The following SLC39A9 variants were observed in gnomAD, a reference collection of about 807,000 sequenced individuals.
SLC39A9 encodes zinc transporter ZIP9.
In SLC39A9, 14 loss-of-function variants were observed where a neutral mutation model predicts 28.4. That is an observed-to-expected ratio of 0.49 (90% CI 0.33 to 0.77). The LOEUF is 0.77. Among genes scored for constraint, SLC39A9 ranks in the 30% least tolerant of loss-of-function variants. The pLI, the probability that SLC39A9 is intolerant of heterozygous loss-of-function variation, is 0.02. For synonymous variants in SLC39A9, 119 were observed against 149.6 expected, an observed-to-expected ratio of 0.80 and a Z score of 1.49; for missense variants, 283 against 381.1, an observed-to-expected ratio of 0.74 and a Z score of 2.14.
At chr14:69,443,390 A>T (rs2139429535) in intron 3 of SLC39A9, among the ~76,000 whole-genome samples, 1 of 152,370 alleles carries the variant, frequency 6.6e-6, no homozygotes, top group East Asian at 1.9e-4. Flanking sequence ...GAGCATCTGC[A>T]GACAGGAAAG....
In SLC39A9 at chr14:69,437,322, C is replaced by T. The variant is rs1001304112; in HGVS notation, c.206-4747C>T. Among the ~76,000 whole-genome samples the T allele has an allele frequency of 3.3e-5, 5 of 152,174 alleles. No individual in the cohort carries two copies. The East Asian group carries it at 9.6e-4, about 29-fold the overall frequency. On this transcript the variant is annotated intron_variant, in intron 2 of 6. Coordinates refer to ENST00000336643, the MANE Select transcript of SLC39A9 (RefSeq NM_018375.5). ...AAAAAGGGGAGACTTTCCTGTACTT[C>T]ACTACCTCTTAGCAACCTCTTTTCC...
intron 1 of SLC39A9, among the ~76,000 whole-genome samples, chr14:69,401,329 C>G (rs1383369859): frequency 1.3e-5 from 2 of 152,192 alleles, no homozygotes; most frequent in African/African-American, 4.8e-5. Flanking sequence ...GGTTACCTGC[C>G]TGCCCAGTAC....
chr14:69,437,371 G>T (rs971219319), intron 2 of SLC39A9, among the ~76,000 whole-genome samples: 1 of 152,024 alleles, frequency 6.6e-6, no homozygotes, highest in Admixed American at 6.6e-5. Context: ...GGAAAGACAG[G>T]GTTTTTCTAG....
chr14:69,422,369 G>A (rs773241099), intron 1 of SLC39A9, among the ~76,000 whole-genome samples: 2 of 152,234 alleles, frequency 1.3e-5, no homozygotes, highest in Admixed American at 6.5e-5. Flanking sequence ...CAACAGGTAC[G>A]TACTACCATG....
intron 1 of SLC39A9, among the ~76,000 whole-genome samples, chr14:69,419,306 C>T (rs985508499): frequency 2.9e-4 from 44 of 152,232 alleles, no homozygotes; most frequent in African/African-American, 8.7e-4. Flanking sequence ...TGTAGTTGTG[C>T]GGTTTTGAGT....
In SLC39A9 at chr14:69,458,693, C is replaced by G. The variant is rs985688162; in HGVS notation, c.*100C>G. The stretch of plus-strand genomic sequence containing the variant: ...TTCCTCAGTCTCTTGTCTCACCTTG[C>G]GCATCTCTACATGTATTCCTAGAGT... On this transcript the variant is annotated 3_prime_UTR_variant, in exon 7 of 7. Transcript: ENST00000336643. The G allele has an allele frequency of 9.7e-6, 14 of 1,450,272 alleles. No homozygotes were observed. The highest frequency in any genetic ancestry group is 1.4e-5 in the African/African-American group (1 of 70,412). The allele number at this position is 1,450,272 out of a possible 1,614,324, so 89.8% of individuals were successfully genotyped here. A position where few individuals can be genotyped will look rare whatever the true frequency, so the allele number is the denominator to read the frequency against.
intron 1 of SLC39A9, among the ~76,000 whole-genome samples, chr14:69,409,758 T>C (rs1308548344): frequency 3.3e-5 from 5 of 152,258 alleles, no homozygotes; most frequent in Non-Finnish European, 5.9e-5. Flanking sequence ...TATTTTCTTG[T>C]CTCAAGCATT....
At chr14:69,403,040 C>G (rs1185594126) in intron 1 of SLC39A9, among the ~76,000 whole-genome samples, 1 of 152,030 alleles carries the variant, frequency 6.6e-6, no homozygotes, top group Non-Finnish European at 1.5e-5. Context: ...CGAGTCCCAC[C>G]ATTGCACTCC....
At chr14:69,449,557 C>T (rs745379162) in intron 3 of SLC39A9, among the ~76,000 whole-genome samples, 29 of 152,012 alleles carry the variant, frequency 1.9e-4, no homozygotes, top group South Asian at 4.2e-4. Flanking sequence ...CCCAGGAATT[C>T]GAGACTGCAG....
Position 69,458,392 on chromosome 14 carries a change from C to A in SLC39A9, c.723C>A (p.Asn241Lys). Residue 241 changes from asparagine (N) to lysine (K), a missense_variant, in exon 7 of 7, where the codon AAC (asparagine) becomes AAA (lysine). Asn to Lys is a moderately conservative substitution (Grantham distance 94). Transcript: ENST00000336643. The stretch of plus-strand genomic sequence containing the variant: ...GTAAAGAAGCCCTTTCAGAGGTGAA[C>A]GCCACGGGAGTGGCCATGCTTTTCT... ...KSSKEALSEVNATGVAMLFSA... is the reference protein window; with the variant it reads ...KSSKEALSEVKATGVAMLFSA... 6.2e-7 allele frequency: 1 copy of A among 1,614,188 alleles called. No homozygotes were observed. Among genetic ancestry groups the A allele is most frequent in the Non-Finnish European group, 8.5e-7 (1 of 1,180,028 alleles).
chr14:69,437,674 C>A (rs1884841307), intron 2 of SLC39A9, among the ~76,000 whole-genome samples: 1 of 151,592 alleles, frequency 6.6e-6, no homozygotes, highest in African/African-American at 2.4e-5. Flanking sequence ...ATTGCACCCT[C>A]CACCTCCCGG....
intron 5 of SLC39A9, 72 bp from the exon 6 acceptor site, chr14:69,455,660 G>A (rs895062965): frequency 2.5e-6 from 4 of 1,581,710 alleles, no homozygotes; most frequent in Non-Finnish European, 3.5e-6. Context: ...ATAGTCAAAT[G>A]GCATATACTT....
intron 1 of SLC39A9, among the ~76,000 whole-genome samples, chr14:69,416,283 C>G (rs954891074): frequency 6.6e-6 from 1 of 152,158 alleles, no homozygotes; most frequent in African/African-American, 2.4e-5. Context: ...CATCCATGTC[C>G]CTACAAAGGA....
intron 2 of SLC39A9, among the ~76,000 whole-genome samples, chr14:69,440,178 C>T (rs892410796): frequency 1.3e-5 from 2 of 152,060 alleles, no homozygotes; most frequent in African/African-American, 2.4e-5. Flanking sequence ...CCCAGCTACT[C>T]GGGAGGCTGA....
At chr14:69,413,369 AT>A (rs948268823) in intron 1 of SLC39A9, among the ~76,000 whole-genome samples, 2 of 151,728 alleles carry the variant, frequency 1.3e-5, no homozygotes, top group South Asian at 2.1e-4. Flanking sequence ...AAAAAAAAAA[AT>A]TTTTTTTCAA....
At chr14:69,441,121 A>T (rs1326286507) in intron 2 of SLC39A9, among the ~76,000 whole-genome samples, 3 of 152,080 alleles carry the variant, frequency 2.0e-5, no homozygotes, top group African/African-American at 7.2e-5. Flanking sequence ...CTACAAAAAA[A>T]TTTTCAAATT....
chr14:69,431,456 G>T (rs1465696843), intron 2 of SLC39A9, among the ~76,000 whole-genome samples: 3 of 149,888 alleles, frequency 2.0e-5, no homozygotes, highest in Non-Finnish European at 4.4e-5. Flanking sequence ...TCCATTATGA[G>T]ATTGATTAGG....
At chr14:69,456,301 C>T (rs61982402) in intron 6 of SLC39A9, among the ~76,000 whole-genome samples, 9,283 of 152,204 alleles carry the variant, frequency 0.061, 310 homozygotes, top group Middle Eastern at 0.088. Flanking sequence ...AAAAAACTGA[C>T]ATTGATTACT....
chr14:69,402,666 G>A (rs1882701162), intron 1 of SLC39A9, among the ~76,000 whole-genome samples: 1 of 151,970 alleles, frequency 6.6e-6, no homozygotes, highest in African/African-American at 2.4e-5. Flanking sequence ...GTACTTTCAT[G>A]CCTTAAAAAT....
Sources: allele counts gnomAD v4.1 joint callset (sites outside exome capture counted in the v4.1 genomes callset), GRCh38; gene constraint gnomAD v4.1.1; transcripts MANE v1.5; gene names NCBI Gene and HGNC (gene_info 2026-07-23, HGNC 2026-07-21).